Variants in CEP97 observed in about 807,000 individuals in gnomAD.
CEP97 encodes centrosomal protein of 97 kDa.
CEP97 carries 43 observed loss-of-function variants against 73.1 expected under a neutral mutation model. The ratio of observed to expected loss-of-function variants is 0.59; its 90% CI spans 0.46 to 0.76. CEP97 has a LOEUF of 0.76. CEP97 is among the 30% of genes least tolerant of loss of function. The pLI is 0.00. For missense variants in CEP97, 939 were observed against 1,014.0 expected, an observed-to-expected ratio of 0.93 and a Z score of 1.00; for synonymous variants, 337 against 370.0, an observed-to-expected ratio of 0.91 and a Z score of 1.02.
intron 6 of CEP97, among the ~76,000 whole-genome samples, chr3:101,733,769 A>G (rs998031612): frequency 1.3e-5 from 2 of 152,006 alleles, no homozygotes; most frequent in Middle Eastern, 3.4e-3. Flanking sequence ...TGACCTCGTG[A>G]TCCACCCGCC....
At chr3:101,750,009 A>G (rs1447406931) in intron 6 of CEP97, among the ~76,000 whole-genome samples, 1 of 149,408 alleles carries the variant, frequency 6.7e-6, no homozygotes, top group Non-Finnish European at 1.5e-5. Flanking sequence ...ATGAGATCCC[A>G]TTTGTCAATT....
At position 101,762,642 on chromosome 3, in the gene CEP97, G is replaced by A. The variant is rs1389132147; in HGVS notation, c.1893+82G>A. On this transcript the variant is annotated intron_variant, in intron 10 of 10. Coordinates refer to ENST00000341893, the MANE Select transcript of CEP97 (RefSeq NM_024548.4). ...ATTGAGATAATCATAGAGTACTCAG[G>A]TGTATTAAGCACTCTTGTTCAAGGT... The A allele has an allele frequency of 4.7e-6, 5 of 1,064,564 alleles. No individual in the cohort carries two copies. The African/African-American group carries it at 4.9e-5, about 10-fold the overall frequency. 65.9% of individuals were successfully genotyped at this position (1,064,564 alleles called of 1,614,324 possible). A position where few individuals can be genotyped will look rare whatever the true frequency, so the allele number is the denominator to read the frequency against.
chr3:101,761,458 G>C (rs1385369581), intron 9 of CEP97, among the ~76,000 whole-genome samples: 1 of 152,184 alleles, frequency 6.6e-6, no homozygotes, highest in Non-Finnish European at 1.5e-5. Context: ...CAAAGAGAAA[G>C]CCTGGTGCTG....
At chr3:101,742,713 A>G (rs1938495501) in intron 6 of CEP97, among the ~76,000 whole-genome samples, 1 of 151,666 alleles carries the variant, frequency 6.6e-6, no homozygotes, top group South Asian at 2.1e-4. Context: ...CTGCACAAGT[A>G]TCCCAGAACT....
intron 6 of CEP97, among the ~76,000 whole-genome samples, chr3:101,749,777 G>A (rs1237502192): frequency 1.4e-5 from 2 of 143,972 alleles, no homozygotes; most frequent in Admixed American, 7.0e-5. Context: ...GTGTTTTTTG[G>A]CTGCATAAAT....
In CEP97 at chr3:101,751,267, G is replaced by C. The variant is rs557218777; in HGVS notation, c.729-4163G>C. Among the ~76,000 whole-genome samples the C allele has an allele frequency of 2.6e-5, 4 of 152,246 alleles. No homozygotes were observed. In the South Asian group the frequency reaches 6.2e-4, roughly 24 times the overall value. ...CTGAGTTCTAGTTTGATTGCACTGT[G>C]GTCTGAGAGACAGTTTGTTATAATT... On this transcript the variant is annotated intron_variant, in intron 6 of 10. Transcript: ENST00000341893.
At chr3:101,763,668 T>C in intron 10 of CEP97, among the ~76,000 whole-genome samples, 1 of 152,366 alleles carries the variant, frequency 6.6e-6, no homozygotes, top group East Asian at 1.9e-4. Flanking sequence ...TTGGAATTTT[T>C]GTTATACTTT....
At chr3:101,729,302 C>T (rs1282611306) in intron 4 of CEP97, among the ~76,000 whole-genome samples, 2 of 149,408 alleles carry the variant, frequency 1.3e-5, no homozygotes, top group African/African-American at 2.5e-5. Context: ...TGGGTCACTG[C>T]ACTCTAGCCT....
chr3:101,738,096 CAAAG>C (rs576838164), intron 6 of CEP97, among the ~76,000 whole-genome samples: 81 of 138,472 alleles, frequency 5.8e-4, no homozygotes, highest in African/African-American at 1.9e-3. Context: ...ATCAAAAAGA[CAAAG>C]AAGGGCATTA....
intron 6 of CEP97, among the ~76,000 whole-genome samples, chr3:101,741,975 G>A (rs1357546190): frequency 2.0e-5 from 3 of 151,594 alleles, no homozygotes; most frequent in African/African-American, 7.3e-5. Context: ...CCAGGAGGTG[G>A]AGGTTGCAGT....
rs747591427 is a variant in CEP97, at chr3:101,765,396, G to A, written c.2443G>A (p.Gly815Ser). ...AGTACAGTTAGATACATTGTCTGAC[G>A]GTGCTTCTGTAGATGAGAGTCATGG... ...FPVQLDTLSDGASVDESHGIS... is the reference protein window; with the variant it reads ...FPVQLDTLSDSASVDESHGIS... Residue 815 changes from glycine (G) to serine (S), a missense_variant, in exon 11 of 11, where the codon GGT becomes AGT. Physicochemically the swap from Gly to Ser is moderately conservative, Grantham distance 56 (BLOSUM62 0). Transcript: ENST00000341893. 20 of 1,613,982 alleles carry A rather than the reference G, an allele frequency of 1.2e-5. No homozygotes were observed. The highest frequency in any genetic ancestry group is 2.2e-5 in the East Asian group (1 of 44,888).
rs1005223773 is a variant in CEP97 at position 101,755,290 on chromosome 3, A to T, written c.729-140A>T. ...ATGAGTCAGAATGATAGATTTTTTA[A>T]AAAAATTGAGTGAATTTTATTTATG... On this transcript the variant is annotated intron_variant, in intron 6 of 10. Transcript: ENST00000341893. 27 of 743,308 alleles carry T rather than the reference A, an allele frequency of 3.6e-5. No homozygotes were observed. The African/African-American group carries it at 4.2e-4, about 12-fold the overall frequency. The allele number at this position is 743,308 out of a possible 1,614,324, so 46.0% of individuals were successfully genotyped here. A position where few individuals can be genotyped will look rare whatever the true frequency, so the allele number is the denominator to read the frequency against.
chr3:101,755,371 G>A, intron 6 of CEP97, 59 bp from the exon 7 acceptor site: 1 of 1,418,964 alleles, frequency 7.0e-7, no homozygotes, highest in Non-Finnish European at 9.9e-7. Context: ...ATTGTTGCCT[G>A]ACAATGTGTG....
intron 6 of CEP97, among the ~76,000 whole-genome samples, chr3:101,754,011 C>T (rs1938932310): frequency 6.8e-6 from 1 of 146,926 alleles, no homozygotes; most frequent in Non-Finnish European, 1.5e-5. Flanking sequence ...ATGCTGGGAG[C>T]TGTAGACCGG....
chr3:101,747,078 G>T (rs1273352812), intron 6 of CEP97, among the ~76,000 whole-genome samples: 5 of 148,752 alleles, frequency 3.4e-5, no homozygotes, highest in African/African-American at 1.2e-4. Flanking sequence ...TACACTGTTG[G>T]TGGGACTGTA....
rs1939058305 is a variant in CEP97, at chr3:101,757,896, A to G, written c.1290A>G (p.Leu430=). ...GGCTGCAGGGCATTAACTTGGGCCTAGAAGATGATGGTGTTGCAGATGAAT... is the reference window on the plus strand; with the variant it reads ...GGCTGCAGGGCATTAACTTGGGCCTGGAAGATGATGGTGTTGCAGATGAAT... ...ELRLQGINLG[L]EDDGVADESV... The change falls in exon 9 of 11, where the codon CTA becomes CTG. Residue 430 remains leucine (L), a synonymous_variant. Transcript: ENST00000341893. The G allele has an allele frequency of 1.9e-6, 3 of 1,614,260 alleles. No individual in the cohort carries two copies. Among genetic ancestry groups the G allele is most frequent in the Non-Finnish European group, 2.5e-6 (3 of 1,180,036 alleles).
chr3:101,757,662 TG>T lies in CEP97; in HGVS notation c.1059del (p.Ile354Ter), dbSNP rs1340590777. ...CCGTCATTCAAGTGAATTCTTGGGTTGGGATAAACAGTAATGATGATCAGTT... is the reference window on the plus strand; with the variant it reads ...CCGTCATTCAAGTGAATTCTTGGGTTGGATAAACAGTAATGATGATCAGTT... ...EPVIQVNSWV[G>X]INSNDDQLFA... On this transcript the variant is annotated frameshift_variant, in exon 9 of 11. Coordinates refer to ENST00000341893, the MANE Select transcript of CEP97 (RefSeq NM_024548.4). LOFTEE classifies it high-confidence loss of function. The T allele has an allele frequency of 1.9e-6, 3 of 1,613,204 alleles. No individual in the cohort carries two copies. The highest frequency in any genetic ancestry group is 2.5e-6 in the Non-Finnish European group (3 of 1,179,334).
chr3:101,766,564 G>C lies in CEP97; in HGVS notation c.*1013G>C, dbSNP rs1403134036. On this transcript the variant is annotated 3_prime_UTR_variant, in exon 11 of 11. Transcript: ENST00000341893. ...TTAGGAACTACTTTTTGTCTAACCT[G>C]AAAAAGTTCCACATTTGGAAGACAA... is the stretch of plus-strand genomic sequence containing the variant. The C allele has an allele frequency of 2.0e-5, 3 of 152,220 alleles. No individual in the cohort carries two copies. Among genetic ancestry groups the C allele is most frequent in the Non-Finnish European group, 2.9e-5 (2 of 67,972 alleles). The allele number at this position is 152,220 out of a possible 1,614,324, so 9.4% of individuals were successfully genotyped here.
At chr3:101,753,359 A>T (rs1385074986) in intron 6 of CEP97, among the ~76,000 whole-genome samples, 1 of 152,074 alleles carries the variant, frequency 6.6e-6, no homozygotes, top group Non-Finnish European at 1.5e-5. Context: ...GGGGTCAGGG[A>T]CCCACTTGAG....
Sources: allele counts gnomAD v4.1 joint callset (sites outside exome capture counted in the v4.1 genomes callset), GRCh38; gene constraint gnomAD v4.1.1; transcripts MANE v1.5; gene names NCBI Gene and HGNC (gene_info 2026-07-23, HGNC 2026-07-21).